CPA6: variants seen among roughly 807,000 people sequenced by gnomAD.
The protein encoded by CPA6 is carboxypeptidase B.
Under a neutral mutation model 63.3 loss-of-function variants are expected in CPA6, and 58 were observed. The ratio of observed to expected loss-of-function variants is 0.92; its 90% CI spans 0.74 to 1.14. CPA6 has a LOEUF of 1.14. CPA6 is among the 50% of genes most tolerant of loss of function. The probability of loss-of-function intolerance (pLI) is 0.00; values close to 1 mark genes in which losing one functional copy is unlikely to be tolerated. For synonymous variants in CPA6, 185 were observed against 179.0 expected (o/e 1.03, Z -0.27); for missense variants, 565 against 526.6 (o/e 1.07, Z -0.71).
intron 8 of CPA6, among the ~76,000 whole-genome samples, chr8:67,445,266 G>A (rs1312289263): frequency 6.6e-6 from 1 of 151,988 alleles, no homozygotes; most frequent in Non-Finnish European, 1.5e-5. Context: ...GAAAGAATAG[G>A]GGAAAAGTAT....
chr8:67,443,836 G>C (rs149749191), intron 8 of CPA6, among the ~76,000 whole-genome samples: 1 of 152,140 alleles, frequency 6.6e-6, no homozygotes, highest in East Asian at 1.9e-4. Context: ...GCTGGAGGTA[G>C]GACAGTGGTA....
intron 10 of CPA6, among the ~76,000 whole-genome samples, chr8:67,426,076 C>A (rs1333839452): frequency 6.6e-6 from 1 of 152,056 alleles, no homozygotes; most frequent in Non-Finnish European, 1.5e-5. Context: ...TCAAGCGATT[C>A]TCCTGCCTCA....
intron 1 of CPA6, among the ~76,000 whole-genome samples, chr8:67,725,157 A>G (rs780932379): frequency 1.5e-4 from 23 of 152,242 alleles, no homozygotes; most frequent in Non-Finnish European, 3.2e-4. Context: ...ATGAGTAAAG[A>G]AAAACCACAG....
chr8:67,685,022 C>G (rs1323090262), intron 1 of CPA6, among the ~76,000 whole-genome samples: 1 of 152,130 alleles, frequency 6.6e-6, no homozygotes, highest in Non-Finnish European at 1.5e-5. Context: ...AGCCCAATCT[C>G]TCTCCCCATT....
intron 8 of CPA6, among the ~76,000 whole-genome samples, chr8:67,447,663 A>T (rs1465563292): frequency 1.3e-5 from 2 of 152,172 alleles, no homozygotes; most frequent in African/African-American, 2.4e-5. Context: ...GTTACTATTT[A>T]TATTTCCACA....
intron 8 of CPA6, among the ~76,000 whole-genome samples, chr8:67,437,932 G>A (rs1196872156): frequency 2.0e-5 from 3 of 151,994 alleles, no homozygotes; most frequent in Admixed American, 2.0e-4. Context: ...GGGGGGTGGG[G>A]GGTGATGGAG....
intron 1 of CPA6, among the ~76,000 whole-genome samples, chr8:67,742,141 T>TGC (rs1362587244): frequency 6.6e-6 from 1 of 151,782 alleles, no homozygotes; most frequent in Non-Finnish European, 1.5e-5. Context: ...TGTGTGTGTG[T>TGC]GTGCGCGTGT....
intron 6 of CPA6, among the ~76,000 whole-genome samples, chr8:67,493,560 T>C (rs1266483885): frequency 5.3e-5 from 8 of 152,198 alleles, no homozygotes; most frequent in Admixed American, 2.6e-4. Context: ...CTTATTTTTA[T>C]TTGAATCATC....
intron 1 of CPA6, among the ~76,000 whole-genome samples, chr8:67,692,363 T>C (rs922182980): frequency 6.7e-6 from 1 of 149,624 alleles, no homozygotes; most frequent in Non-Finnish European, 1.5e-5. Flanking sequence ...AACAAGAGAT[T>C]GGTAAAACTT....
At chr8:67,602,671 T>A (rs75431704) in intron 2 of CPA6, among the ~76,000 whole-genome samples, 3,943 of 152,232 alleles carry the variant, frequency 0.026, 174 homozygotes, top group African/African-American at 0.089. Context: ...CTTAGAGAAA[T>A]ATAAATAAAA....
chr8:67,486,377 T>C (rs929686464), intron 6 of CPA6, among the ~76,000 whole-genome samples: 1 of 152,242 alleles, frequency 6.6e-6, no homozygotes, highest in Non-Finnish European at 1.5e-5. Context: ...TGCAGATCAA[T>C]AGGGAAAATG....
intron 2 of CPA6, among the ~76,000 whole-genome samples, chr8:67,601,339 T>C (rs1814492382): frequency 2.0e-5 from 3 of 152,156 alleles, no homozygotes; most frequent in Admixed American, 2.0e-4. Flanking sequence ...AAAATACTTA[T>C]TTTCAAACTT....
intron 2 of CPA6, among the ~76,000 whole-genome samples, chr8:67,587,803 G>A (rs562985174): frequency 1.3e-5 from 2 of 152,274 alleles, no homozygotes; most frequent in South Asian, 2.1e-4. Flanking sequence ...TGGTGAATTC[G>A]AGGATGGTTT....
chr8:67,697,171 T>A (rs1211210181), intron 1 of CPA6, among the ~76,000 whole-genome samples: 2 of 152,098 alleles, frequency 1.3e-5, no homozygotes, highest in Non-Finnish European at 2.9e-5. Context: ...TGTGGGGGTA[T>A]GGGGGACCCT....
intron 1 of CPA6, among the ~76,000 whole-genome samples, chr8:67,687,884 G>T (rs1054930332): frequency 6.6e-6 from 1 of 152,156 alleles, no homozygotes; most frequent in African/African-American, 2.4e-5. Flanking sequence ...GCAAGGTTTT[G>T]TAAGATTTAA....
chr8:67,575,865 A>C (rs2128977340), intron 2 of CPA6, among the ~76,000 whole-genome samples: 1 of 152,224 alleles, frequency 6.6e-6, no homozygotes, highest in East Asian at 1.9e-4. Flanking sequence ...AAAAGGAAGA[A>C]ATTTTGTCAA....
At chr8:67,469,066 C>T (rs1423219018) in intron 8 of CPA6, among the ~76,000 whole-genome samples, 2 of 152,154 alleles carry the variant, frequency 1.3e-5, no homozygotes, top group African/African-American at 4.8e-5. Flanking sequence ...TCTGACTTTA[C>T]CAAGTGTGAA....
chr8:67,711,875 C>A (rs1817269342), intron 1 of CPA6, among the ~76,000 whole-genome samples: 2 of 152,122 alleles, frequency 1.3e-5, no homozygotes, highest in South Asian at 4.1e-4. Context: ...CCAATCAATA[C>A]CCTGGTGGCA....
At chr8:67,642,004 AGGGAGG>A (rs1815602029) in intron 1 of CPA6, among the ~76,000 whole-genome samples, 1 of 152,232 alleles carries the variant, frequency 6.6e-6, no homozygotes. Context: ...CAAGTTATTT[AGGGAGG>A]AAATTATAAA....
Sources: gnomAD v4.1 joint callset for allele counts (sites outside exome capture counted in the v4.1 genomes callset) on GRCh38, gnomAD v4.1.1 for gene constraint, MANE v1.5 for transcripts, NCBI Gene and HGNC (gene_info 2026-07-23, HGNC 2026-07-21) for gene names.